The following EIF3B variants were observed in gnomAD, a reference collection of about 807,000 sequenced individuals.
EIF3B encodes eukaryotic translation initiation factor 3 subunit 9.
Under a neutral mutation model 104.6 loss-of-function variants are expected in EIF3B, and 10 were observed. The ratio of observed to expected loss-of-function variants is 0.10; its 90% CI spans 0.06 to 0.16. EIF3B has a LOEUF of 0.16. EIF3B is among the 10% of genes least tolerant of loss of function. EIF3B has a pLI of 1.00. For missense variants in EIF3B, 1,014 were observed against 1,087.9 expected, an observed-to-expected ratio of 0.93 and a Z score of 0.96; for synonymous variants, 542 against 417.2, an observed-to-expected ratio of 1.30 and a Z score of -3.65.
chr7:2,362,614 G>A (rs1447451239), intron 2 of EIF3B, 31 bp from the exon 3 acceptor site: 4 of 1,613,678 alleles, frequency 2.5e-6, no homozygotes, highest in East Asian at 4.5e-5. Context: ...CTTACAGTGT[G>A]GGTATGTGCC....
At chr7:2,379,969 C>G in intron 18 of EIF3B, 1 of 248,630 alleles carries the variant, frequency 4.0e-6, no homozygotes, top group Non-Finnish European at 8.0e-6. Flanking sequence ...GGCCTCCGCG[C>G]CTCACAGCAT....
rs1355762829 is a variant in EIF3B at position 2,355,102 on chromosome 7, G to C, written c.181G>C (p.Gly61Arg). 1.3e-5 allele frequency: 17 copies of C among 1,351,354 alleles called. No homozygotes were observed. In the African/African-American group the frequency reaches 2.3e-4, roughly 18 times the overall value. 83.7% of individuals were successfully genotyped at this position (1,351,354 alleles called of 1,614,324 possible). Residue 61 changes from glycine (G) to arginine (R), a missense_variant, in exon 1 of 19, where the codon GGG becomes CGG. Transcript: ENST00000360876. ...SSEEVGIAEA[G>R]PESEVRTEPA... ...TGAGGAGGTGGGGATCGCGGAGGCC[G>C]GGCCGGAGTCCGAGGTGAGGACCGA...
intron 3 of EIF3B, 33 bp from the exon 4 acceptor site, chr7:2,363,037 G>A: frequency 1.2e-6 from 2 of 1,612,192 alleles, no homozygotes; most frequent in South Asian, 1.1e-5. Flanking sequence ...AGTCGTCAGG[G>A]CGTGGGGCTC....
intron 1 of EIF3B, among the ~76,000 whole-genome samples, chr7:2,356,813 T>C (rs1779470986): frequency 6.6e-6 from 1 of 151,764 alleles, no homozygotes; most frequent in Non-Finnish European, 1.5e-5. Context: ...AATTAAAAAA[T>C]AAAAACGCTG....
intron 5 of EIF3B, among the ~76,000 whole-genome samples, chr7:2,364,168 A>G (rs1476249763): frequency 6.6e-6 from 1 of 152,210 alleles, no homozygotes; most frequent in Non-Finnish European, 1.5e-5. Flanking sequence ...AGGCTGAGGC[A>G]GGAGAATGGC....
At chr7:2,361,388 C>T (rs996010980) in intron 2 of EIF3B, among the ~76,000 whole-genome samples, 10 of 152,190 alleles carry the variant, frequency 6.6e-5, no homozygotes, top group Admixed American at 2.0e-4. Context: ...CTCAGTTACT[C>T]GTGTTATAAT....
intron 1 of EIF3B, among the ~76,000 whole-genome samples, chr7:2,356,242 A>T (rs777743043): frequency 1.3e-5 from 2 of 152,248 alleles, no homozygotes; most frequent in Non-Finnish European, 2.9e-5. Flanking sequence ...ACCCTTGCTG[A>T]TGTAGCCAGC....
At chr7:2,374,179 A>G in intron 12 of EIF3B, 1 of 200,008 alleles carries the variant, frequency 5.0e-6, no homozygotes, top group Non-Finnish European at 1.0e-5. Flanking sequence ...TCGCTAGGAG[A>G]GTGGCTTTGG....
intron 5 of EIF3B, 79 bp from the exon 6 acceptor site, chr7:2,364,293 G>A: frequency 7.7e-7 from 1 of 1,299,746 alleles, no homozygotes; most frequent in Non-Finnish European, 1.1e-6. Context: ...CAGATTCATT[G>A]TAGGATAAAT....
intron 1 of EIF3B, among the ~76,000 whole-genome samples, chr7:2,357,614 C>T (rs1779520197): frequency 6.6e-6 from 1 of 152,156 alleles, no homozygotes; most frequent in African/African-American, 2.4e-5. Flanking sequence ...CTCTAAATGT[C>T]TTTTTTGGCT....
At chr7:2,368,295 C>A (rs1334447074) in intron 9 of EIF3B, among the ~76,000 whole-genome samples, 1 of 152,080 alleles carries the variant, frequency 6.6e-6, no homozygotes, top group Non-Finnish European at 1.5e-5. Flanking sequence ...GGCGCGCAAC[C>A]ACTACGCCCA....
At chr7:2,360,225 A>T (rs930308201) in intron 1 of EIF3B, among the ~76,000 whole-genome samples, 7 of 152,110 alleles carry the variant, frequency 4.6e-5, no homozygotes, top group African/African-American at 1.4e-4. Flanking sequence ...TCACAGCACA[A>T]ATGTGCTGTG....
chr7:2,371,400 C>T (rs1345549102), intron 10 of EIF3B, among the ~76,000 whole-genome samples: 3 of 152,236 alleles, frequency 2.0e-5, no homozygotes, highest in Non-Finnish European at 4.4e-5. Flanking sequence ...CTACAGGACA[C>T]CCCACTGTCT....
intron 2 of EIF3B, among the ~76,000 whole-genome samples, chr7:2,361,950 TGC>T (rs1779756288): frequency 6.7e-6 from 1 of 148,518 alleles, no homozygotes; most frequent in Non-Finnish European, 1.5e-5. Flanking sequence ...CTTGCTTGCT[TGC>T]TTATTTATTT....
At chr7:2,377,115 G>A in intron 15 of EIF3B, 40 bp downstream of exon 15, 2 of 1,563,402 alleles carry the variant, frequency 1.3e-6, no homozygotes, top group Non-Finnish European at 1.7e-6. Flanking sequence ...GCACATGGAG[G>A]CAATTGTGGC....
At chr7:2,356,085 CAG>C (rs1480048907) in intron 1 of EIF3B, among the ~76,000 whole-genome samples, 3 of 152,204 alleles carry the variant, frequency 2.0e-5, no homozygotes, top group African/African-American at 7.2e-5. Flanking sequence ...CTTCCTGTCT[CAG>C]AGATTTTTTC....
chr7:2,368,493 G>C (rs570976923), intron 9 of EIF3B, among the ~76,000 whole-genome samples: 5 of 152,360 alleles, frequency 3.3e-5, no homozygotes, highest in Admixed American at 1.3e-4. Context: ...GCTTGAGTCA[G>C]TGGGCAGCAA....
intron 9 of EIF3B, among the ~76,000 whole-genome samples, chr7:2,367,922 A>G (rs558164891): frequency 7.0e-5 from 9 of 127,780 alleles, no homozygotes; most frequent in Non-Finnish European, 1.2e-4. Context: ...GCTCACTGCA[A>G]TTTCCACCTC....
rs190466268 is a variant in EIF3B, at chr7:2,379,080, G to T, written c.2233-54G>T. On this transcript the variant is annotated intron_variant, in intron 16 of 18. Coordinates refer to ENST00000360876, the MANE Select transcript of EIF3B (RefSeq NM_001037283.2). The stretch of plus-strand genomic sequence containing the variant: ...GTCCGCCTGGGTGTGGGCTCTTCGC[G>T]ATGGGGAGGCACTTGTCTTACCAGT... 15 of 1,527,830 alleles carry T rather than the reference G, an allele frequency of 9.8e-6. No individual in the cohort carries two copies. The South Asian group carries it at 1.3e-4, about 13-fold the overall frequency. The allele number at this position is 1,527,830 out of a possible 1,614,324, so 94.6% of individuals were successfully genotyped here.
Sources: allele counts gnomAD v4.1 joint callset (sites outside exome capture counted in the v4.1 genomes callset), GRCh38; gene constraint gnomAD v4.1.1; transcripts MANE v1.5; gene names NCBI Gene and HGNC (gene_info 2026-07-23, HGNC 2026-07-21).